Variants in PTPRD observed in about 807,000 individuals in gnomAD.
PTPRD encodes protein tyrosine phosphatase receptor type D.
A neutral mutation model predicts 214.5 loss-of-function variants in PTPRD; 34 were observed. The observed-to-expected ratio is 0.16, with a 90% CI of 0.12 to 0.21. The LOEUF is 0.21. Among genes scored for constraint, PTPRD ranks in the 10% least tolerant of loss-of-function variants. The pLI is 1.00. For missense variants in PTPRD, 2,545 were observed against 2,398.7 expected (o/e 1.06, Z -1.27); for synonymous variants, 1,128 against 845.7 (o/e 1.33, Z -5.79).
intron 12 of PTPRD, among the ~76,000 whole-genome samples, chr9:8,683,547 T>C (rs995568539): frequency 1.3e-5 from 2 of 152,152 alleles, no homozygotes; most frequent in African/African-American, 2.4e-5. Context: ...CTATATGTCA[T>C]CAAGGAAAAG....
intron 8 of PTPRD, among the ~76,000 whole-genome samples, chr9:9,445,740 G>A (rs2090175348): frequency 6.6e-6 from 1 of 152,046 alleles, no homozygotes; most frequent in Non-Finnish European, 1.5e-5. Flanking sequence ...CCTGACACGT[G>A]GGAATTATGG....
chr9:8,830,738 T>C (rs1234635774), intron 11 of PTPRD, among the ~76,000 whole-genome samples: 2 of 152,062 alleles, frequency 1.3e-5, no homozygotes, highest in Non-Finnish European at 2.9e-5. Context: ...CAAGTGCAAA[T>C]GGTCATTCGC....
chr9:8,574,816 C>A (rs1053803121), intron 14 of PTPRD, among the ~76,000 whole-genome samples: 2 of 151,988 alleles, frequency 1.3e-5, no homozygotes, highest in Non-Finnish European at 2.9e-5. Context: ...CACTGCTGAA[C>A]TCCAAACAAA....
chr9:8,886,549 A>G (rs1024532505), intron 11 of PTPRD, among the ~76,000 whole-genome samples: 4 of 152,182 alleles, frequency 2.6e-5, no homozygotes, highest in Non-Finnish European at 4.4e-5. Flanking sequence ...AAGAATGGGG[A>G]CATTTACTTG....
chr9:9,118,542 A>G (rs750241582), intron 10 of PTPRD, among the ~76,000 whole-genome samples: 2 of 152,312 alleles, frequency 1.3e-5, no homozygotes, highest in Non-Finnish European at 2.9e-5. Flanking sequence ...CTATTCTAGT[A>G]GCCTGCATAA....
intron 3 of PTPRD, among the ~76,000 whole-genome samples, chr9:10,334,597 G>C (rs958230365): frequency 6.6e-6 from 1 of 151,494 alleles, no homozygotes; most frequent in East Asian, 2.0e-4. Flanking sequence ...AATTTACTTT[G>C]TTTGAGAAGG....
At chr9:9,266,415 C>G (rs1939703371) in intron 9 of PTPRD, among the ~76,000 whole-genome samples, 1 of 151,078 alleles carries the variant, frequency 6.6e-6, no homozygotes, top group Non-Finnish European at 1.5e-5. Context: ...CAAACATATA[C>G]AGAACACTTC....
At chr9:8,342,477 G>A (rs188108426) in intron 39 of PTPRD, among the ~76,000 whole-genome samples, 2 of 152,106 alleles carry the variant, frequency 1.3e-5, no homozygotes, top group Non-Finnish European at 2.9e-5. Flanking sequence ...AACCCTTCAG[G>A]CTGAGGACAT....
At position 8,373,173 on chromosome 9, in the gene PTPRD, G is replaced by A. The variant is rs150245984; in HGVS notation, c.4661+2763C>T. Among the ~76,000 whole-genome samples the A allele has an allele frequency of 3.5e-3, 533 of 151,998 alleles. 5 individuals are homozygous for A. The highest frequency in any genetic ancestry group is 0.012 in the African/African-American group (492 of 41,490). On this transcript the variant is annotated intron_variant, in intron 39 of 45. Coordinates refer to ENST00000381196, the MANE Select transcript of PTPRD (RefSeq NM_002839.4). The stretch of plus-strand genomic sequence containing the variant: ...ACTAGCATTTCTGGGATGCTACACG[G>A]ATAACTGTCATTTAAGAATGACTTT...
At chr9:8,521,609 AC>A in intron 19 of PTPRD, 63 bp from the exon 20 acceptor site, 1 of 1,546,636 alleles carries the variant, frequency 6.5e-7, no homozygotes, top group South Asian at 1.2e-5. Context: ...ATTATTAAAC[AC>A]ATGACATGCA....
Position 9,947,646 on chromosome 9 carries a change from A to G in PTPRD, c.-471-9036T>C, listed in dbSNP as rs1223611989. Among the ~76,000 whole-genome samples the G allele has an allele frequency of 1.6e-4, 15 of 94,694 alleles. 1 individual carries two copies. Among genetic ancestry groups the G allele is most frequent in the South Asian group, 8.4e-4 (3 of 3,560 alleles). 62.1% of individuals were successfully genotyped at this position (94,694 alleles called of 152,430 possible). A position where few individuals can be genotyped will look rare whatever the true frequency, so the allele number is the denominator to read the frequency against. On this transcript the variant is annotated intron_variant, in intron 4 of 45. Coordinates refer to ENST00000381196, the MANE Select transcript of PTPRD (RefSeq NM_002839.4). Reference sequence around the variant, plus strand: ...TTTTAAATATATATTTTATATATATATATATACACCATGGCATGTAGGTAG... The same window carrying G: ...TTTTAAATATATATTTTATATATATGTATATACACCATGGCATGTAGGTAG...
chr9:9,688,653 G>T (rs2097207916), intron 7 of PTPRD, among the ~76,000 whole-genome samples: 1 of 151,868 alleles, frequency 6.6e-6, no homozygotes, highest in African/African-American at 2.4e-5. Context: ...CTGGTCAACA[G>T]GCCAGTGAGG....
At chr9:8,580,086 C>A (rs1311318376) in intron 14 of PTPRD, among the ~76,000 whole-genome samples, 1 of 152,096 alleles carries the variant, frequency 6.6e-6, no homozygotes, top group Non-Finnish European at 1.5e-5. Flanking sequence ...AAATATATTT[C>A]TATTAATAAC....
At chr9:8,460,159 G>C (rs1055714074) in intron 33 of PTPRD, 8 of 505,612 alleles carry the variant, frequency 1.6e-5, no homozygotes, top group Non-Finnish European at 2.8e-5. Context: ...GCATAAAGCA[G>C]CTCAGAAGAT....
At chr9:9,991,679 T>G (rs374922185) in intron 4 of PTPRD, among the ~76,000 whole-genome samples, 1 of 152,084 alleles carries the variant, frequency 6.6e-6, no homozygotes, top group Admixed American at 6.6e-5. Flanking sequence ...AATATACTTT[T>G]AAAACAGTGC....
chr9:9,778,316 C>A (rs1217003094), intron 5 of PTPRD, among the ~76,000 whole-genome samples: 1 of 152,150 alleles, frequency 6.6e-6, no homozygotes, highest in Admixed American at 6.5e-5. Flanking sequence ...CTCTAGGATC[C>A]TAGCTACAGG....
chr9:9,169,947 C>T (rs192312761), intron 10 of PTPRD, among the ~76,000 whole-genome samples: 1 of 152,278 alleles, frequency 6.6e-6, no homozygotes, highest in Admixed American at 6.5e-5. Flanking sequence ...GATTTGATGG[C>T]TCTGCCATAA....
At chr9:8,428,600 T>A (rs1295916809) in intron 35 of PTPRD, among the ~76,000 whole-genome samples, 1 of 152,154 alleles carries the variant, frequency 6.6e-6, no homozygotes, top group Non-Finnish European at 1.5e-5. Flanking sequence ...CGTCCACCAC[T>A]TCCTTCCTTC....
intron 10 of PTPRD, among the ~76,000 whole-genome samples, chr9:9,078,562 T>A (rs1416739987): frequency 2.6e-5 from 4 of 152,212 alleles, no homozygotes; most frequent in Admixed American, 2.0e-4. Flanking sequence ...TCCACTTTTT[T>A]ATTATAAAAC....
Sources: gnomAD v4.1 joint callset for allele counts (sites outside exome capture counted in the v4.1 genomes callset) on GRCh38, gnomAD v4.1.1 for gene constraint, MANE v1.5 for transcripts, NCBI Gene and HGNC (gene_info 2026-07-23, HGNC 2026-07-21) for gene names.